The following STRN variants were observed in gnomAD, a reference collection of about 807,000 sequenced individuals.
The protein encoded by STRN is protein phosphatase 2 regulatory subunit B'''alpha.
A neutral mutation model predicts 96.3 loss-of-function variants in STRN; 53 were observed. The observed-to-expected ratio is 0.55, with a 90% CI of 0.44 to 0.69. STRN has a LOEUF of 0.69. Among genes scored for constraint, STRN ranks in the 30% least tolerant of loss-of-function variants. STRN has a pLI of 0.00. For missense variants in STRN, 987 were observed against 963.9 expected (o/e 1.02, Z -0.32); for synonymous variants, 428 against 355.9 (o/e 1.20, Z -2.28).
rs529997959 is a variant in STRN, at chr2:36,837,952, A to G, written c.*11504T>C. On this transcript the variant is annotated 3_prime_UTR_variant, in exon 18 of 18. Transcript: ENST00000263918. Reference sequence around the variant, plus strand: ...GAATATTTGTGGTAGGCAGAATTCTAAGATGGCCCCCATGAACTCTGCCCC... The same window carrying G: ...GAATATTTGTGGTAGGCAGAATTCTGAGATGGCCCCCATGAACTCTGCCCC... Among the ~76,000 whole-genome samples, 596 of 152,350 alleles carry G rather than the reference A, an allele frequency of 3.9e-3. 4 individuals are homozygous for G. The highest frequency in any genetic ancestry group is 0.014 in the African/African-American group (578 of 41,574).
At chr2:36,944,014 G>A (rs1291438971) in intron 1 of STRN, among the ~76,000 whole-genome samples, 2 of 152,038 alleles carry the variant, frequency 1.3e-5, no homozygotes, top group East Asian at 1.9e-4. Context: ...CAGCTACTTG[G>A]GAGGCTGGGG....
At chr2:36,900,767 C>T (rs2148197515) in intron 5 of STRN, among the ~76,000 whole-genome samples, 1 of 152,134 alleles carries the variant, frequency 6.6e-6, no homozygotes, top group South Asian at 2.1e-4. Context: ...GTGGCGCATG[C>T]CTGTAGTCTC....
intron 1 of STRN, among the ~76,000 whole-genome samples, chr2:36,932,280 G>A (rs546446462): frequency 7.8e-4 from 119 of 152,034 alleles, no homozygotes; most frequent in Middle Eastern, 3.4e-3. Flanking sequence ...TCAGCCTCCA[G>A]AGTAGCTGGG....
intron 3 of STRN, among the ~76,000 whole-genome samples, chr2:36,910,884 C>G (rs1216343373): frequency 1.3e-5 from 2 of 151,928 alleles, no homozygotes; most frequent in Non-Finnish European, 2.9e-5. Flanking sequence ...TTAACATAGC[C>G]TGAGATAATA....
At chr2:36,948,336 G>A (rs1442393661) in intron 1 of STRN, among the ~76,000 whole-genome samples, 1 of 151,810 alleles carries the variant, frequency 6.6e-6, no homozygotes, top group Non-Finnish European at 1.5e-5. Context: ...CTGACCTCAG[G>A]TGATCCGCCC....
chr2:36,902,651 C>T lies in STRN; in HGVS notation c.592G>A (p.Asp198Asn). 1 of 1,612,084 alleles carries T rather than the reference C, an allele frequency of 6.2e-7. No individual in the cohort carries two copies. ...GFSSDVTDRE[D>N]DKNQDSVVNG... ...ACAACTGAGTCCTGATTTTTGTCAT[C>T]TTCCCTGTCCGTGACATCACTTGAA... The change falls in exon 5 of 18, where the codon GAT becomes AAT. Residue 198 changes from aspartate (D) to asparagine (N), a missense_variant. Coordinates refer to ENST00000263918, the MANE Select transcript of STRN (RefSeq NM_003162.4).
chr2:36,838,994 CATTAT>C lies in STRN; in HGVS notation c.*10457_*10461del, dbSNP rs1277471838. 2.6e-5 allele frequency among the ~76,000 whole-genome samples: 4 copies of C among 152,074 alleles called. No homozygotes were observed. Among genetic ancestry groups the C allele is most frequent in the Non-Finnish European group, 5.9e-5 (4 of 68,026 alleles). On this transcript the variant is annotated 3_prime_UTR_variant, in exon 18 of 18. Coordinates refer to ENST00000263918, the MANE Select transcript of STRN (RefSeq NM_003162.4). ...AAATTTGTAAGGTGCTCATGATACA[CATTAT>C]ATTAGAAAAAGCAAGTGCAGCATAA...
rs116097892 is a variant in STRN at position 36,927,534 on chromosome 2, G to T, written c.235-2326C>A. Among the ~76,000 whole-genome samples, 12 of 143,598 alleles carry T rather than the reference G, an allele frequency of 8.4e-5. 1 individual carries two copies. Among genetic ancestry groups the T allele is most frequent in the African/African-American group, 1.3e-4 (5 of 39,538 alleles). The allele number at this position is 143,598 out of a possible 152,430, so 94.2% of individuals were successfully genotyped here. A position where few individuals can be genotyped will look rare whatever the true frequency, so the allele number is the denominator to read the frequency against. ...AAAAAAACAAAAAAAAGGGGGGGGG[G>T]GGTGGTAATCAGGGCCAGGCATGGT... is the stretch of plus-strand genomic sequence containing the variant. On this transcript the variant is annotated intron_variant, in intron 1 of 17. Coordinates refer to ENST00000263918, the MANE Select transcript of STRN (RefSeq NM_003162.4).
chr2:36,854,451 G>T (rs1372388386), intron 15 of STRN, among the ~76,000 whole-genome samples: 1 of 152,164 alleles, frequency 6.6e-6, no homozygotes, highest in Non-Finnish European at 1.5e-5. Flanking sequence ...AAGGGAAAAT[G>T]ATGAAAACCA....
chr2:36,868,091 TCTATTTGA>T (rs1485305670), intron 11 of STRN, among the ~76,000 whole-genome samples: 4 of 152,222 alleles, frequency 2.6e-5, no homozygotes, highest in African/African-American at 9.6e-5. Flanking sequence ...CCTGTCATAA[TCTATTTGA>T]CTAAAGGGAA....
intron 1 of STRN, among the ~76,000 whole-genome samples, chr2:36,964,494 A>G (rs1412077854): frequency 6.6e-6 from 1 of 152,218 alleles, no homozygotes; most frequent in Admixed American, 6.5e-5. Flanking sequence ...GTTGGAGACT[A>G]TATAAACAAG....
intron 10 of STRN, among the ~76,000 whole-genome samples, chr2:36,871,379 T>C (rs1344263944): frequency 6.6e-6 from 1 of 152,224 alleles, no homozygotes; most frequent in African/African-American, 2.4e-5. Context: ...ACCTTTTCTA[T>C]GTTTAGACAT....
chr2:36,911,359 TTTTC>T (rs911106264), intron 3 of STRN, among the ~76,000 whole-genome samples: 1 of 152,210 alleles, frequency 6.6e-6, no homozygotes, highest in African/African-American at 2.4e-5. Flanking sequence ...ATTAGTTCTT[TTTTC>T]TTTCTTTTTT....
rs1224242408 is a variant in STRN at position 36,839,334 on chromosome 2, G to A, written c.*10122C>T. ...GCATCAGGTGAAGTTTTTGTTTACT[G>A]CTGACTGCCAGCAACTAGAACTGTG... On this transcript the variant is annotated 3_prime_UTR_variant, in exon 18 of 18. Transcript: ENST00000263918. Among the ~76,000 whole-genome samples, 1 of 152,154 alleles carries A rather than the reference G, an allele frequency of 6.6e-6. No homozygotes were observed. Among genetic ancestry groups the A allele is most frequent in the East Asian group, 1.9e-4 (1 of 5,186 alleles).
intron 9 of STRN, among the ~76,000 whole-genome samples, chr2:36,882,966 A>G (rs1669113662): frequency 6.6e-6 from 1 of 152,210 alleles, no homozygotes; most frequent in South Asian, 2.1e-4. Flanking sequence ...ATACCATAAG[A>G]TTACACTGCA....
chr2:36,939,379 T>G (rs191395900), intron 1 of STRN, among the ~76,000 whole-genome samples: 42 of 151,322 alleles, frequency 2.8e-4, no homozygotes, highest in Admixed American at 2.0e-3. Context: ...TAATTAGACG[T>G]GATGATAATA....
chr2:36,932,217 TGATCTC>T (rs1449639733), intron 1 of STRN, among the ~76,000 whole-genome samples: 1 of 152,138 alleles, frequency 6.6e-6, no homozygotes, highest in African/African-American at 2.4e-5. Flanking sequence ...TACAGTGGCG[TGATCTC>T]GGCTCACTGC....
intron 7 of STRN, among the ~76,000 whole-genome samples, chr2:36,892,068 GAATT>G (rs1669415828): frequency 6.6e-6 from 1 of 152,192 alleles, no homozygotes; most frequent in Non-Finnish European, 1.5e-5. Flanking sequence ...CATTTAGACA[GAATT>G]AATACCTGTG....
intron 1 of STRN, among the ~76,000 whole-genome samples, chr2:36,934,533 C>G (rs1258090070): frequency 2.6e-5 from 4 of 152,154 alleles, no homozygotes; most frequent in Non-Finnish European, 4.4e-5. Context: ...AAAGAGTTAA[C>G]ATGTTTTAAA....
Sources: allele counts gnomAD v4.1 joint callset (sites outside exome capture counted in the v4.1 genomes callset), GRCh38; gene constraint gnomAD v4.1.1; transcripts MANE v1.5; gene names NCBI Gene and HGNC (gene_info 2026-07-23, HGNC 2026-07-21).